The following NRXN1 variants were observed in gnomAD, a reference collection of about 807,000 sequenced individuals.
NRXN1 encodes the protein neurexin-1.
Under a neutral mutation model 150.9 loss-of-function variants are expected in NRXN1, and 39 were observed. That is an observed-to-expected ratio of 0.26 (90% confidence interval 0.20 to 0.34). The LOEUF (loss-of-function observed/expected upper bound fraction) is 0.34. Ranked by LOEUF, NRXN1 falls within the 10% of genes least tolerant of loss-of-function variation. The pLI is 1.00. For missense variants in NRXN1, 1,815 were observed against 1,949.9 expected, an observed-to-expected ratio of 0.93 and a Z score of 1.30; for synonymous variants, 924 against 757.0, an observed-to-expected ratio of 1.22 and a Z score of -3.62.
intron 5 of NRXN1, among the ~76,000 whole-genome samples, chr2:50,806,897 A>C (rs1367499640): frequency 6.6e-6 from 1 of 152,144 alleles, no homozygotes; most frequent in Non-Finnish European, 1.5e-5. Context: ...AGCCCCTTGA[A>C]GGCAGGTACT....
chr2:50,960,964 T>C (rs758346394), intron 2 of NRXN1, among the ~76,000 whole-genome samples: 1 of 152,014 alleles, frequency 6.6e-6, no homozygotes, highest in Non-Finnish European at 1.5e-5. Context: ...AATCCTTACA[T>C]TGGTCTCATT....
intron 21 of NRXN1, among the ~76,000 whole-genome samples, chr2:50,052,231 G>C (rs1692826027): frequency 6.6e-6 from 1 of 152,012 alleles, no homozygotes; most frequent in Admixed American, 6.6e-5. Flanking sequence ...TATCATTCTT[G>C]CTTCTTCAGA....
rs999500145 is a variant in NRXN1, at chr2:50,896,460, A to G, written c.832+25409T>C. Among the ~76,000 whole-genome samples the G allele has an allele frequency of 2.7e-5, 4 of 150,546 alleles. 1 individual carries two copies. Among genetic ancestry groups the G allele is most frequent in the African/African-American group, 9.7e-5 (4 of 41,200 alleles). On this transcript the variant is annotated intron_variant, in intron 5 of 22. Coordinates refer to ENST00000401669, the MANE Select transcript of NRXN1 (RefSeq NM_001330078.2). ...AAGTAATTCGTGTATATATTAGAAAATGGTGTGTGCTATGGTTTTCTAAAA... is the reference window on the plus strand; with the variant it reads ...AAGTAATTCGTGTATATATTAGAAAGTGGTGTGTGCTATGGTTTTCTAAAA...
intron 18 of NRXN1, among the ~76,000 whole-genome samples, chr2:50,152,292 C>T (rs2058742374): frequency 6.6e-6 from 1 of 151,722 alleles, no homozygotes; most frequent in Admixed American, 6.6e-5. Context: ...TAGAATCATA[C>T]AGTATTTGTC....
chr2:50,526,996 A>T (rs1306557491), intron 12 of NRXN1, among the ~76,000 whole-genome samples: 2 of 152,224 alleles, frequency 1.3e-5, no homozygotes, highest in Non-Finnish European at 2.9e-5. Flanking sequence ...CATTTAAAAA[A>T]TCATTGATAT....
At chr2:50,585,888 A>G (rs1409830400) in intron 8 of NRXN1, among the ~76,000 whole-genome samples, 1 of 152,172 alleles carries the variant, frequency 6.6e-6, no homozygotes, top group East Asian at 1.9e-4. Context: ...CCAGCCTCCT[A>G]AGAGGGGTCA....
At chr2:50,980,932 C>T (rs1276428841) in intron 2 of NRXN1, among the ~76,000 whole-genome samples, 15 of 152,072 alleles carry the variant, frequency 9.9e-5, no homozygotes, top group Non-Finnish European at 4.4e-5. Flanking sequence ...AACACTTTAA[C>T]ACTTTAGGGC....
intron 5 of NRXN1, among the ~76,000 whole-genome samples, chr2:50,745,308 C>G (rs1033836378): frequency 6.8e-6 from 1 of 147,902 alleles, no homozygotes; most frequent in African/African-American, 2.5e-5. Context: ...TGCCCCCCCC[C>G]AGGACTGAAA....
rs185525023 is a variant in NRXN1 at position 50,596,430 on chromosome 2, G to A, written c.1320+23592C>T. Among the ~76,000 whole-genome samples, 3 of 152,218 alleles carry A rather than the reference G, an allele frequency of 2.0e-5. No homozygotes were observed. In the East Asian group the frequency reaches 5.8e-4, roughly 29 times the overall value. On this transcript the variant is annotated intron_variant, in intron 8 of 22. Transcript: ENST00000401669. ...TTGTTGATGTACACCATTTCAAAAT[G>A]CCAAAATAACCCTTTGTTATCCTAC...
At chr2:50,514,424 T>C (rs2092565543) in intron 12 of NRXN1, among the ~76,000 whole-genome samples, 2 of 152,246 alleles carry the variant, frequency 1.3e-5, no homozygotes. Context: ...TCATTTATTC[T>C]GGGTTCCATG....
At chr2:50,882,622 C>A (rs147383850) in intron 5 of NRXN1, among the ~76,000 whole-genome samples, 1 of 151,734 alleles carries the variant, frequency 6.6e-6, no homozygotes, top group African/African-American at 2.4e-5. Context: ...AAGTTAAAGA[C>A]GAACCCACAG....
chr2:50,399,466 G>C (rs1374430586), intron 17 of NRXN1, among the ~76,000 whole-genome samples: 5 of 151,862 alleles, frequency 3.3e-5, no homozygotes, highest in African/African-American at 1.2e-4. Flanking sequence ...TACCACAGTT[G>C]GGAAAAATAA....
Position 50,497,151 on chromosome 2 carries a change from A to G in NRXN1, c.2879+182T>C, listed in dbSNP as rs13386253. Among the ~76,000 whole-genome samples the G allele has an allele frequency of 0.063, 9,530 of 152,232 alleles. 1,027 individuals carry two copies. The highest frequency in any genetic ancestry group is 0.22 in the African/African-American group (8,947 of 41,508). ...AAATGTAGGTGCAAAAAACTGTCCT[A>G]AATCCATATTAATTTAAGATACCTA... is the stretch of plus-strand genomic sequence containing the variant. On this transcript the variant is annotated intron_variant, in intron 14 of 22. Transcript: ENST00000401669.
intron 17 of NRXN1, among the ~76,000 whole-genome samples, chr2:50,378,067 G>A (rs368158481): frequency 3.9e-5 from 6 of 152,250 alleles, no homozygotes; most frequent in South Asian, 4.1e-4. Context: ...GCTAGACAAA[G>A]CAGGCACAAA....
At chr2:50,938,257 A>G in intron 2 of NRXN1, among the ~76,000 whole-genome samples, 1 of 152,298 alleles carries the variant, frequency 6.6e-6, no homozygotes, top group East Asian at 1.9e-4. Context: ...ATAAAAAATG[A>G]AAATTAAGGT....
intron 17 of NRXN1, among the ~76,000 whole-genome samples, chr2:50,401,241 T>C (rs2082371182): frequency 1.3e-5 from 2 of 152,160 alleles, no homozygotes; most frequent in Admixed American, 1.3e-4. Flanking sequence ...GGAAATATTT[T>C]AAAATCTATA....
At chr2:49,933,230 G>A (rs754319266) in intron 22 of NRXN1, among the ~76,000 whole-genome samples, 3 of 151,974 alleles carry the variant, frequency 2.0e-5, no homozygotes, top group Non-Finnish European at 2.9e-5. Context: ...GGGACTACAC[G>A]CACCTGCCAC....
chr2:50,043,577 C>G (rs1450289679), intron 21 of NRXN1, among the ~76,000 whole-genome samples: 1 of 152,160 alleles, frequency 6.6e-6, no homozygotes, highest in Non-Finnish European at 1.5e-5. Flanking sequence ...TCCATGAACA[C>G]AAGTACCTAC....
chr2:50,371,613 T>C (rs11125300), intron 17 of NRXN1, among the ~76,000 whole-genome samples: 86,038 of 151,612 alleles, frequency 0.57, 26,703 homozygotes, highest in East Asian at 0.92. Flanking sequence ...TACGAATAAG[T>C]TTCAAGGGAA....
Sources: gnomAD v4.1 joint callset for allele counts (sites outside exome capture counted in the v4.1 genomes callset) on GRCh38, gnomAD v4.1.1 for gene constraint, MANE v1.5 for transcripts, NCBI Gene and HGNC (gene_info 2026-07-23, HGNC 2026-07-21) for gene names.